ELAPOR1: variants seen among roughly 807,000 people sequenced by gnomAD.
ELAPOR1 encodes endosome-lysosome associated apoptosis and autophagy regulator 1, also known as endosome/lysosome-associated apoptosis and autophagy regulator 1.
ELAPOR1 carries 77 observed loss-of-function variants against 119.7 expected under a neutral mutation model. The ratio of observed to expected loss-of-function variants is 0.64; its 90% CI spans 0.54 to 0.78. The LOEUF is 0.78. Among genes scored for constraint, ELAPOR1 ranks in the 30% least tolerant of loss-of-function variants. The probability of loss-of-function intolerance (pLI) is 0.00; values close to 1 mark genes in which losing one functional copy is unlikely to be tolerated. For missense variants in ELAPOR1, 1,115 were observed against 1,270.4 expected, an observed-to-expected ratio of 0.88 and a Z score of 1.86; for synonymous variants, 481 against 487.2, an observed-to-expected ratio of 0.99 and a Z score of 0.17.
rs963293241 is a variant in ELAPOR1, at chr1:109,201,896, T to C, written c.2973+996T>C. Among the ~76,000 whole-genome samples, 25 of 151,928 alleles carry C rather than the reference T, an allele frequency of 1.6e-4. 1 individual carries two copies. The highest frequency in any genetic ancestry group is 2.9e-5 in the Non-Finnish European group (2 of 67,978). On this transcript the variant is annotated intron_variant, in intron 21 of 21. Transcript: ENST00000369939. ...TGGAGGATCTCTTGAGGCTGGGAGTTCAAGATCAGCCTAGACAACATAGGA... is the reference window on the plus strand; with the variant it reads ...TGGAGGATCTCTTGAGGCTGGGAGTCCAAGATCAGCCTAGACAACATAGGA...
intron 1 of ELAPOR1, 106 bp from the exon 2 acceptor site, chr1:109,161,788 C>T: frequency 2.1e-6 from 3 of 1,395,872 alleles, no homozygotes; most frequent in Non-Finnish European, 3.0e-6. Flanking sequence ...GGGCCCATTT[C>T]TGAGAGGATG....
intron 1 of ELAPOR1, among the ~76,000 whole-genome samples, chr1:109,137,255 G>A (rs561854282): frequency 1.3e-5 from 2 of 152,272 alleles, no homozygotes; most frequent in East Asian, 1.9e-4. Context: ...CCAGGCTGGA[G>A]TGTAGTGGTG....
chr1:109,116,470 C>T (rs1400674721), intron 1 of ELAPOR1, among the ~76,000 whole-genome samples: 1 of 152,194 alleles, frequency 6.6e-6, no homozygotes, highest in Non-Finnish European at 1.5e-5. Context: ...AGGAGGCATG[C>T]CCATTTGCCA....
In ELAPOR1 at chr1:109,144,061, A is replaced by ATATATATATAT; in HGVS notation, c.154-17832_154-17831insATATATATATT. On this transcript the variant is annotated intron_variant, in intron 1 of 21. Transcript: ENST00000369939. ...TATATATATATATATATATTTATAT[A>ATATATATATAT]TTTTTTTTTTTTTTTGAGATGGAGT... 1.0e-3 allele frequency among the ~76,000 whole-genome samples: 89 copies of ATATATATATAT among 88,960 alleles called. 1 individual carries two copies. The highest frequency in any genetic ancestry group is 4.6e-3 in the South Asian group (13 of 2,834). The allele number at this position is 88,960 out of a possible 152,430, so 58.4% of individuals were successfully genotyped here.
rs766619909 is a variant in ELAPOR1, at chr1:109,200,811, G to A, written c.2884G>A (p.Ala962Thr). Reference sequence around the variant, plus strand: ...TGACCTGCCAGCAGCTGACAGCTGCGCCATCATGGAAGGCGAGGATGTAGA... The same window carrying A: ...TGACCTGCCAGCAGCTGACAGCTGCACCATCATGGAAGGCGAGGATGTAGA... ...DCDLPAADSCAIMEGEDVEDD... is the reference protein window; with the variant it reads ...DCDLPAADSCTIMEGEDVEDD... Residue 962 changes from alanine to threonine, a missense_variant, in exon 21 of 22, where the codon GCC becomes ACC. Ala to Thr is a moderately conservative substitution (Grantham distance 58). Transcript: ENST00000369939. 9.9e-6 allele frequency: 16 copies of A among 1,614,028 alleles called. 1 individual carries two copies. The highest frequency in any genetic ancestry group is 5.3e-5 in the African/African-American group (4 of 74,916).
chr1:109,116,008 A>G (rs1456428088), intron 1 of ELAPOR1, among the ~76,000 whole-genome samples: 1 of 152,226 alleles, frequency 6.6e-6, no homozygotes, highest in Non-Finnish European at 1.5e-5. Flanking sequence ...GTGGAAGGTA[A>G]GAATCATACA....
chr1:109,188,057 G>C lies in ELAPOR1; in HGVS notation c.1042-120G>C. 4 of 1,455,900 alleles carry C rather than the reference G, an allele frequency of 2.7e-6. No individual in the cohort carries two copies. In the South Asian group the frequency reaches 5.8e-5, roughly 21 times the overall value. The allele number at this position is 1,455,900 out of a possible 1,614,324, so 90.2% of individuals were successfully genotyped here. ...GAGCCACACAAAGTTCCCCACCCCA[G>C]AGGAGCTCTTACCTGGCCCAGAATC... On this transcript the variant is annotated intron_variant, in intron 8 of 21. Coordinates refer to ENST00000369939, the MANE Select transcript of ELAPOR1 (RefSeq NM_020775.5).
intron 1 of ELAPOR1, among the ~76,000 whole-genome samples, chr1:109,135,405 G>A (rs1444883217): frequency 1.3e-5 from 2 of 152,024 alleles, no homozygotes; most frequent in African/African-American, 4.8e-5. Flanking sequence ...CACCACACCT[G>A]GCTAATTTTT....
chr1:109,174,043 C>T (rs984521531), intron 7 of ELAPOR1, among the ~76,000 whole-genome samples: 5 of 147,064 alleles, frequency 3.4e-5, no homozygotes, highest in Non-Finnish European at 7.4e-5. Context: ...GATAGGGTCT[C>T]ACTTTATCAC....
chr1:109,201,412 G>T, intron 21 of ELAPOR1: 4 of 455,188 alleles, frequency 8.8e-6, no homozygotes, highest in South Asian at 4.7e-5. Context: ...GGCTTTGTGT[G>T]GGTGGGTGAG....
intron 1 of ELAPOR1, among the ~76,000 whole-genome samples, chr1:109,152,197 A>G (rs1650575049): frequency 1.3e-5 from 2 of 152,168 alleles, no homozygotes; most frequent in Non-Finnish European, 2.9e-5. Flanking sequence ...TTCTCCCCGA[A>G]GAATCTGCTT....
In ELAPOR1 at chr1:109,197,666, C is replaced by T. The variant is rs200767709; in HGVS notation, c.2302+12C>T. 1.4e-4 allele frequency: 226 copies of T among 1,610,182 alleles called. No individual in the cohort carries two copies. In the African/African-American group the frequency reaches 2.1e-3, roughly 15 times the overall value. ...TGATCGACTTATTGGTGAGTAACTCCGCTGCCTCAGCCTTGTTTGAGAGTG... is the reference window on the plus strand; with the variant it reads ...TGATCGACTTATTGGTGAGTAACTCTGCTGCCTCAGCCTTGTTTGAGAGTG... On this transcript the variant is annotated intron_variant, in intron 16 of 21. Transcript: ENST00000369939.
At chr1:109,129,834 A>G (rs1232119236) in intron 1 of ELAPOR1, among the ~76,000 whole-genome samples, 1 of 152,226 alleles carries the variant, frequency 6.6e-6, no homozygotes, top group East Asian at 1.9e-4. Flanking sequence ...CACTAGTTAT[A>G]TTAGTTACCT....
At chr1:109,136,668 A>T (rs981817829) in intron 1 of ELAPOR1, among the ~76,000 whole-genome samples, 18 of 152,256 alleles carry the variant, frequency 1.2e-4, no homozygotes, top group African/African-American at 4.3e-4. Flanking sequence ...CTTGTGATTT[A>T]AAAAAATTAA....
At chr1:109,183,594 T>TCCC (rs1652869398) in intron 7 of ELAPOR1, among the ~76,000 whole-genome samples, 1 of 122,998 alleles carries the variant, frequency 8.1e-6, no homozygotes, top group South Asian at 3.1e-4. Flanking sequence ...CCTTCCTTCC[T>TCCC]TCCTTCCTTC....
chr1:109,154,317 A>G (rs1444215364), intron 1 of ELAPOR1, among the ~76,000 whole-genome samples: 1 of 151,892 alleles, frequency 6.6e-6, no homozygotes, highest in African/African-American at 2.4e-5. Context: ...AAGGGGAAAA[A>G]GATGGAAGTA....
rs1171263868 is a variant in ELAPOR1, at chr1:109,197,969, A to C, written c.2303-10A>C. 10 of 1,612,818 alleles carry C rather than the reference A, an allele frequency of 6.2e-6. No individual in the cohort carries two copies. In the Admixed American group the frequency reaches 1.2e-4, roughly 19 times the overall value. On this transcript the variant is annotated splice_polypyrimidine_tract_variant and intron_variant, in intron 16 of 21. Coordinates refer to ENST00000369939, the MANE Select transcript of ELAPOR1 (RefSeq NM_020775.5). ...CTAGTGAGAACTAATTAGGAGCTCT[A>C]ATTTGGCAGGGGTGACAACAGATAT...
chr1:109,120,323 G>A (rs2100956827), intron 1 of ELAPOR1, among the ~76,000 whole-genome samples: 2 of 152,190 alleles, frequency 1.3e-5, no homozygotes, highest in South Asian at 4.1e-4. Context: ...CTTGAACCCA[G>A]GAGGCAGAGG....
chr1:109,183,590 T>TTTCTTCCTTCCCTCCCTCCC (rs1652867025), intron 7 of ELAPOR1, among the ~76,000 whole-genome samples: 5 of 108,252 alleles, frequency 4.6e-5, no homozygotes, highest in African/African-American at 7.6e-5. Context: ...CCTTCCTTCC[T>TTTCTTCCTTCCCTCCCTCCC]TCCTTCCTTC....
Sources: allele counts gnomAD v4.1 joint callset (sites outside exome capture counted in the v4.1 genomes callset), GRCh38; gene constraint gnomAD v4.1.1; transcripts MANE v1.5; gene names NCBI Gene and HGNC (gene_info 2026-07-23, HGNC 2026-07-21).